The following USP7 variants were observed in gnomAD, a reference collection of about 807,000 sequenced individuals.
USP7 encodes the protein ubiquitin specific peptidase 7.
USP7 carries 9 observed loss-of-function variants against 162.9 expected under a neutral mutation model. That is an observed-to-expected ratio of 0.06 (90% CI 0.03 to 0.10). USP7 has a LOEUF of 0.10. USP7 is among the 10% of genes least tolerant of loss of function. The pLI is 1.00. For synonymous variants in USP7, 562 were observed against 475.9 expected (o/e 1.18, Z -2.35); for missense variants, 715 against 1,373.7 (o/e 0.52, Z 7.58).
intron 1 of USP7, among the ~76,000 whole-genome samples, chr16:8,946,725 G>A (rs1596409835): frequency 6.6e-6 from 1 of 152,156 alleles, no homozygotes; most frequent in Non-Finnish European, 1.5e-5. Context: ...ATGCAAAGGC[G>A]GCCTCCACAC....
intron 1 of USP7, among the ~76,000 whole-genome samples, chr16:8,951,993 G>T (rs1160157465): frequency 3.3e-5 from 5 of 152,204 alleles, no homozygotes; most frequent in Non-Finnish European, 7.3e-5. Context: ...TTCAGACTGG[G>T]AAGCCCAACT....
At chr16:8,910,715 C>T in intron 11 of USP7, 30 bp downstream of exon 11, 9 of 1,593,424 alleles carry the variant, frequency 5.6e-6, no homozygotes, top group Non-Finnish European at 7.7e-6. Context: ...AACGCTACAA[C>T]AGGACACTAG....
chr16:8,920,292 C>T (rs151211038), intron 5 of USP7, 67 bp downstream of exon 5: 40 of 1,390,706 alleles, frequency 2.9e-5, no homozygotes, highest in South Asian at 8.7e-5. Context: ...ATTACATGCA[C>T]GCTAAAGCTT....
At chr16:8,926,476 TGGTCTCCAAAAAAATTCAA>T (rs891512460) in intron 2 of USP7, among the ~76,000 whole-genome samples, 1 of 151,976 alleles carries the variant, frequency 6.6e-6, no homozygotes, top group African/African-American at 2.4e-5. Context: ...CAAAAAACTC[TGGTCTCCAAAAAAATTCAA>T]GATAGGAGGG....
intron 6 of USP7, among the ~76,000 whole-genome samples, chr16:8,917,880 C>G (rs2141205480): frequency 6.6e-6 from 1 of 152,166 alleles, no homozygotes; most frequent in East Asian, 1.9e-4. Flanking sequence ...ATCTCCGCCT[C>G]CCAGGTCCAC....
chr16:8,949,086 A>C (rs1337510669), intron 1 of USP7, among the ~76,000 whole-genome samples: 1 of 152,230 alleles, frequency 6.6e-6, no homozygotes, highest in Non-Finnish European at 1.5e-5. Context: ...CTCGAATTGA[A>C]TGCTGATAGT....
chr16:8,936,677 G>C (rs538914038), intron 1 of USP7: 1 of 1,529,254 alleles, frequency 6.5e-7, no homozygotes, highest in African/African-American at 1.4e-5. Flanking sequence ...CCACATCAGA[G>C]TGACTGCATA....
At chr16:8,897,726 AATATATAT>A (rs1555461672) in intron 25 of USP7, among the ~76,000 whole-genome samples, 3 of 7,138 alleles carry the variant, frequency 4.2e-4, no homozygotes, top group African/African-American at 1.7e-3. Flanking sequence ...AAAAAAAAAA[AATATATAT>A]ATATATATAT....
intron 1 of USP7, chr16:8,936,819 T>C (rs1420779202): frequency 1.7e-6 from 2 of 1,152,574 alleles, no homozygotes; most frequent in Non-Finnish European, 2.2e-6. Context: ...GAAGAGGATA[T>C]TAATGGAAAA....
chr16:8,929,181 G>C (rs1357097545), intron 2 of USP7, among the ~76,000 whole-genome samples: 1 of 152,214 alleles, frequency 6.6e-6, no homozygotes, highest in African/African-American at 2.4e-5. Flanking sequence ...CGCACACCTA[G>C]CGCCTCAGAG....
intron 10 of USP7, among the ~76,000 whole-genome samples, chr16:8,914,200 T>C (rs1238090290): frequency 1.3e-5 from 2 of 152,072 alleles, no homozygotes; most frequent in Admixed American, 6.5e-5. Context: ...ACAACCTCAC[T>C]GATCTTCAAG....
At chr16:8,927,279 G>T (rs1213628661) in intron 2 of USP7, among the ~76,000 whole-genome samples, 1 of 150,772 alleles carries the variant, frequency 6.6e-6, no homozygotes, top group Admixed American at 6.6e-5. Context: ...CCGAGATTGC[G>T]CCACTGCACT....
Position 8,905,451 on chromosome 16 carries a change from T to C in USP7, c.1429-120A>G, listed in dbSNP as rs1407574358. ...AGGTATGCCCCTAGTTGAAAAAATATCCATGTGTGTTCTTATACAGGCACA... is the reference window on the plus strand; with the variant it reads ...AGGTATGCCCCTAGTTGAAAAAATACCCATGTGTGTTCTTATACAGGCACA... On this transcript the variant is annotated intron_variant, in intron 13 of 30. Transcript: ENST00000344836. 15 of 1,253,000 alleles carry C rather than the reference T, an allele frequency of 1.2e-5. No homozygotes were observed. In the East Asian group the frequency reaches 3.3e-4, roughly 27 times the overall value. The allele number at this position is 1,253,000 out of a possible 1,614,324, so 77.6% of individuals were successfully genotyped here. A position where few individuals can be genotyped will look rare whatever the true frequency, so the allele number is the denominator to read the frequency against.
intron 3 of USP7, 122 bp from the exon 4 acceptor site, chr16:8,921,417 G>A: frequency 8.4e-7 from 1 of 1,188,214 alleles, no homozygotes; most frequent in Non-Finnish European, 1.2e-6. Flanking sequence ...TCTCCTTTCG[G>A]GTTGGGGTTA....
intron 6 of USP7, among the ~76,000 whole-genome samples, chr16:8,918,384 T>C (rs1196703261): frequency 2.0e-5 from 3 of 152,260 alleles, no homozygotes; most frequent in African/African-American, 7.2e-5. Flanking sequence ...GTTAAAATTT[T>C]CAATAAAAGT....
rs183569399 is a variant in USP7 at position 8,938,950 on chromosome 16, G to A, written c.80-8553C>T. On this transcript the variant is annotated intron_variant, in intron 1 of 30. Coordinates refer to ENST00000344836, the MANE Select transcript of USP7 (RefSeq NM_003470.3). The stretch of plus-strand genomic sequence containing the variant: ...GAGCATCTGTGGATTTTGACACCCT[G>A]AGAGGGGTCCTGGAACCAATCCACC... Among the ~76,000 whole-genome samples, 47 of 152,230 alleles carry A rather than the reference G, an allele frequency of 3.1e-4. 1 individual carries two copies. Among genetic ancestry groups the A allele is most frequent in the Middle Eastern group, 3.4e-3 (1 of 294 alleles).
intron 6 of USP7, 33 bp downstream of exon 6, chr16:8,918,998 G>C (rs1427817431): frequency 2.5e-6 from 4 of 1,605,160 alleles, no homozygotes; most frequent in Non-Finnish European, 3.4e-6. Flanking sequence ...AGGGTGAGCG[G>C]AAGGCTGCAG....
intron 29 of USP7, 31 bp downstream of exon 29, chr16:8,894,750 CCCG>C: frequency 1.9e-6 from 3 of 1,614,086 alleles, no homozygotes; most frequent in African/African-American, 1.3e-5. Flanking sequence ...GAGCCTATGG[CCCG>C]CCAAGCCCCC....
At chr16:8,950,695 G>C (rs571468317) in intron 1 of USP7, among the ~76,000 whole-genome samples, 13 of 152,316 alleles carry the variant, frequency 8.5e-5, no homozygotes, top group Admixed American at 2.6e-4. Context: ...GTATGTGCCT[G>C]GCTGCCCTGC....
Sources: allele counts gnomAD v4.1 joint callset (sites outside exome capture counted in the v4.1 genomes callset), GRCh38; gene constraint gnomAD v4.1.1; transcripts MANE v1.5; gene names NCBI Gene and HGNC (gene_info 2026-07-23, HGNC 2026-07-21).